The following MIA2 variants were observed in gnomAD, a reference collection of about 807,000 sequenced individuals.
The protein encoded by MIA2 is melanoma inhibitory activity protein 2.
A neutral mutation model predicts 167.8 loss-of-function variants in MIA2; 127 were observed. The observed-to-expected ratio is 0.76, with a 90% confidence interval of 0.66 to 0.88. The LOEUF (loss-of-function observed/expected upper bound fraction) is 0.88, where lower values mean the gene tolerates loss of function less well. MIA2 is among the 40% of genes least tolerant of loss of function. MIA2 has a pLI of 0.00. For missense variants in MIA2, 1,690 were observed against 1,624.7 expected (o/e 1.04, Z -0.69); for synonymous variants, 552 against 541.9 (o/e 1.02, Z -0.26).
chr14:39,313,525 TGAAAATA>T, intron 19 of MIA2, 84 bp downstream of exon 19: 1 of 744,170 alleles, frequency 1.3e-6, no homozygotes, highest in South Asian at 1.9e-5. Context: ...ATAAATCAAA[TGAAAATA>T]GAAAACATTT....
At chr14:39,267,514 C>T in intron 6 of MIA2, 1 of 1,613,666 alleles carries the variant, frequency 6.2e-7, no homozygotes, top group Non-Finnish European at 8.5e-7. Context: ...CCTGGAGGAG[C>T]TACGCAGGGT....
exon 24 of MIA2, chr14:39,386,913 C>T (rs759030777): frequency 1.3e-6 from 1 of 781,580 alleles, no homozygotes; most frequent in African/African-American, 1.7e-5. Flanking sequence ...GGGCAGGAGC[C>T]CCGGCTTCAG....
chr14:39,368,437 G>T (rs530021365), intron 23 of MIA2, among the ~76,000 whole-genome samples: 2 of 152,330 alleles, frequency 1.3e-5, no homozygotes, highest in Non-Finnish European at 2.9e-5. Flanking sequence ...TTGGCTTGGA[G>T]AATCTCCCAG....
At chr14:39,319,534 A>ATT (rs2066047138) in intron 23 of MIA2, among the ~76,000 whole-genome samples, 1 of 151,920 alleles carries the variant, frequency 6.6e-6, no homozygotes, top group African/African-American at 2.4e-5. Flanking sequence ...GATGATACAT[A>ATT]TTTAGTACTT....
chr14:39,319,986 A>G (rs1234369875), intron 23 of MIA2, among the ~76,000 whole-genome samples: 2 of 152,144 alleles, frequency 1.3e-5, no homozygotes. Flanking sequence ...TATAAAAATC[A>G]CTTTTGAGAG....
intron 23 of MIA2, among the ~76,000 whole-genome samples, chr14:39,381,835 C>T (rs963199381): frequency 1.4e-5 from 2 of 147,982 alleles, no homozygotes; most frequent in Non-Finnish European, 3.0e-5. Context: ...AAACCAGAAA[C>T]AAATCAACAA....
chr14:39,387,052 C>T (rs879744516), exon 24 of MIA2: 6 of 681,912 alleles, frequency 8.8e-6, no homozygotes, highest in East Asian at 2.9e-5. Flanking sequence ...GGGTAGCTGG[C>T]GGCGGGTAAT....
intron 2 of MIA2, among the ~76,000 whole-genome samples, chr14:39,238,811 A>AACAAAAAAAAAAAAAAC: frequency 9.7e-6 from 1 of 103,608 alleles, no homozygotes; most frequent in African/African-American, 3.9e-5. Flanking sequence ...AAAAAAAAAA[A>AACAAAAAAAAAAAAAAC]CCCAAAAAAC....
At chr14:39,315,885 A>C (rs2065322570) in intron 21 of MIA2, among the ~76,000 whole-genome samples, 167 bp downstream of exon 21, 1 of 152,208 alleles carries the variant, frequency 6.6e-6, no homozygotes, top group Admixed American at 6.5e-5. Flanking sequence ...GTTTGTTCCA[A>C]CACAGTTATT....
chr14:39,347,497 A>G (rs1005541812), intron 26 of MIA2: 12 of 538,888 alleles, frequency 2.2e-5, no homozygotes, highest in Non-Finnish European at 3.9e-5. Context: ...GGAACTAGCC[A>G]GAGAAATAAT....
intron 27 of MIA2, 102 bp from the exon 28 acceptor site, chr14:39,348,641 G>T: frequency 1.3e-6 from 2 of 1,481,504 alleles, no homozygotes; most frequent in Non-Finnish European, 1.9e-6. Flanking sequence ...AGACTATCAT[G>T]GAATGCTTTC....
intron 13 of MIA2, among the ~76,000 whole-genome samples, chr14:39,299,047 G>A (rs1450087548): frequency 9.9e-6 from 1 of 101,482 alleles, no homozygotes; most frequent in Non-Finnish European, 1.8e-5. Flanking sequence ...TTGGATGACA[G>A]AATGAGACCC....
intron 2 of MIA2, among the ~76,000 whole-genome samples, chr14:39,237,964 T>G (rs759004014): frequency 6.6e-6 from 1 of 152,114 alleles, no homozygotes; most frequent in Non-Finnish European, 1.5e-5. Flanking sequence ...GGTCTCAAAC[T>G]CCTGACCTCA....
rs770050182 is a variant in MIA2 at position 39,248,112 on chromosome 14, T to G, written c.1538T>G (p.Met513Arg). Residue 513 changes from methionine to arginine, a missense_variant, in exon 4 of 29, where the codon ATG (methionine) becomes AGG (arginine). By Grantham distance (91) the Met-to-Arg change is moderately conservative. Coordinates refer to ENST00000640607, the MANE Select transcript of MIA2 (RefSeq NM_001329214.4). ...DNYPTDNTKVMIFKSSYSLSD... is the reference protein window; with the variant it reads ...DNYPTDNTKVRIFKSSYSLSD... ...TATCCCACAGATAATACAAAAGTTA[T>G]GATATTCAAAAGTTCATACAGTCTG... 1 of 1,523,488 alleles carries G rather than the reference T, an allele frequency of 6.6e-7. No individual in the cohort carries two copies. 94.4% of individuals were successfully genotyped at this position (1,523,488 alleles called of 1,614,324 possible).
At chr14:39,243,307 C>T (rs1182183036) in intron 3 of MIA2, among the ~76,000 whole-genome samples, 1 of 152,076 alleles carries the variant, frequency 6.6e-6, no homozygotes, top group Non-Finnish European at 1.5e-5. Context: ...TTTATCCCCA[C>T]ATTTCTCATT....
intron 18 of MIA2, among the ~76,000 whole-genome samples, chr14:39,311,529 G>A (rs2064269993): frequency 7.7e-6 from 1 of 129,136 alleles, no homozygotes; most frequent in Non-Finnish European, 1.6e-5. Flanking sequence ...CCAGGCTGGA[G>A]TACAATGGTG....
At position 39,304,277 on chromosome 14, in the gene MIA2, TCCC is replaced by T; in HGVS notation, c.2788-13_2788-11del. The T allele has an allele frequency of 7.9e-7, 1 of 1,265,288 alleles. No homozygotes were observed. The highest frequency in any genetic ancestry group is 1.1e-6 in the Non-Finnish European group (1 of 899,784). The allele number at this position is 1,265,288 out of a possible 1,614,324, so 78.4% of individuals were successfully genotyped here. Reference sequence around the variant, plus strand: ...TGATTAATGTTACTTTTTTCCTTCTTCCCTTCTTTAAAGTTAAATGCTTCTTTA... The same window carrying T: ...TGATTAATGTTACTTTTTTCCTTCTTTTCTTTAAAGTTAAATGCTTCTTTA... On this transcript the variant is annotated splice_polypyrimidine_tract_variant and intron_variant, in intron 16 of 28. Coordinates refer to ENST00000640607, the MANE Select transcript of MIA2 (RefSeq NM_001329214.4).
Position 39,288,453 on chromosome 14 carries a change from A to G in MIA2, c.2131-2566A>G, listed in dbSNP as rs1444770030. Among the ~76,000 whole-genome samples the G allele has an allele frequency of 3.6e-4, 5 of 13,808 alleles. 1 individual carries two copies. The South Asian group carries it at 0.012, about 34-fold the overall frequency. The allele number at this position is 13,808 out of a possible 152,430, so 9.1% of individuals were successfully genotyped here. On this transcript the variant is annotated intron_variant, in intron 9 of 28. Transcript: ENST00000640607. ...TATACATATATATATATATATATAT[A>G]TATATATATATATATATATATATTT... is the stretch of plus-strand genomic sequence containing the variant.
At chr14:39,373,398 A>G (rs1277878204) in intron 23 of MIA2, among the ~76,000 whole-genome samples, 2 of 152,104 alleles carry the variant, frequency 1.3e-5, no homozygotes, top group African/African-American at 2.4e-5. Context: ...ATTAAAAGAA[A>G]AACTTGAATG....
Sources: gnomAD v4.1 joint callset for allele counts (sites outside exome capture counted in the v4.1 genomes callset) on GRCh38, gnomAD v4.1.1 for gene constraint, MANE v1.5 for transcripts, NCBI Gene and HGNC (gene_info 2026-07-23, HGNC 2026-07-21) for gene names.